Variants in GLIS3 observed in about 807,000 individuals in gnomAD.
The protein encoded by GLIS3 is GLIS family zinc finger 3.
A neutral mutation model predicts 78.6 loss-of-function variants in GLIS3; 53 were observed. The ratio of observed to expected loss-of-function variants is 0.67; its 90% CI spans 0.54 to 0.85. The LOEUF is 0.85. Among genes scored for constraint, GLIS3 ranks in the 40% least tolerant of loss-of-function variants. The probability of loss-of-function intolerance (pLI) is 0.00; values close to 1 mark genes in which losing one functional copy is unlikely to be tolerated. For missense variants in GLIS3, 1,703 were observed against 1,231.1 expected, an observed-to-expected ratio of 1.38 and a Z score of -5.74; for synonymous variants, 684 against 509.9, an observed-to-expected ratio of 1.34 and a Z score of -4.60.
At chr9:4,226,443 A>G (rs1821774512) in intron 2 of GLIS3, among the ~76,000 whole-genome samples, 1 of 152,158 alleles carries the variant, frequency 6.6e-6, no homozygotes, top group African/African-American at 2.4e-5. Context: ...AAACTCAAAC[A>G]GAAAGACGAG....
chr9:4,261,541 T>G (rs1042493824), intron 2 of GLIS3, among the ~76,000 whole-genome samples: 20 of 152,070 alleles, frequency 1.3e-4, no homozygotes, highest in African/African-American at 4.8e-4. Context: ...TTCTGAAGGC[T>G]AAAACTGAGA....
At chr9:4,478,568 G>A in the GLIS3 span, among the ~76,000 whole-genome samples, 7 of 151,508 alleles carry the variant, frequency 4.6e-5, no homozygotes, top group Admixed American at 4.6e-4. Context: ...CTTAGAGTGT[G>A]CCACTGCATT....
At chr9:4,079,068 A>G (rs1487485051) in intron 4 of GLIS3, among the ~76,000 whole-genome samples, 1 of 152,232 alleles carries the variant, frequency 6.6e-6, no homozygotes, top group East Asian at 1.9e-4. Context: ...AAGATATTTC[A>G]TACTAAAGGA....
chr9:3,973,267 G>A (rs558051827), intron 4 of GLIS3, among the ~76,000 whole-genome samples: 2 of 152,166 alleles, frequency 1.3e-5, no homozygotes, highest in South Asian at 4.1e-4. Flanking sequence ...CCTGAGCTTT[G>A]GTGTCTAGAG....
chr9:4,415,226 C>G, the GLIS3 span, among the ~76,000 whole-genome samples: 2 of 152,174 alleles, frequency 1.3e-5, no homozygotes, highest in African/African-American at 2.4e-5. Flanking sequence ...CTCCCTCAGA[C>G]AAAGTCCTGG....
At chr9:4,286,594 C>G in intron 1 of GLIS3, 71 bp from the exon 2 acceptor site, 1 of 770,704 alleles carries the variant, frequency 1.3e-6, no homozygotes, top group East Asian at 2.7e-5. Context: ...GTTTTTCAAC[C>G]TGTGTATCAT....
At chr9:4,074,214 G>A (rs1324729118) in intron 4 of GLIS3, among the ~76,000 whole-genome samples, 4 of 152,144 alleles carry the variant, frequency 2.6e-5, no homozygotes, top group African/African-American at 7.2e-5. Flanking sequence ...GGGGAGCAGG[G>A]TCATTTCAGG....
chr9:4,398,291 T>A, the GLIS3 span, among the ~76,000 whole-genome samples: 22 of 152,150 alleles, frequency 1.4e-4, 3 homozygotes, highest in African/African-American at 5.1e-4. Context: ...ACTCAAAATA[T>A]GATCCCTGAA....
At chr9:4,313,267 G>A (rs1294086336) in intron 2 of GLIS3, among the ~76,000 whole-genome samples, 1 of 152,176 alleles carries the variant, frequency 6.6e-6, no homozygotes, top group Non-Finnish European at 1.5e-5. Context: ...TGGCAAGTGT[G>A]TCTGCCTCCA....
At chr9:4,422,146 T>C in the GLIS3 span, among the ~76,000 whole-genome samples, 26 of 152,236 alleles carry the variant, frequency 1.7e-4, no homozygotes, top group Non-Finnish European at 1.0e-4. Flanking sequence ...AGATTTTGTG[T>C]TAATGAAAAA....
intron 2 of GLIS3, among the ~76,000 whole-genome samples, chr9:4,332,443 G>A (rs750981362): frequency 8.5e-5 from 13 of 152,248 alleles, no homozygotes; most frequent in Non-Finnish European, 1.8e-4. Flanking sequence ...GTATGGCCAC[G>A]TGACTAAGTT....
chr9:4,462,574 T>C, the GLIS3 span, among the ~76,000 whole-genome samples: 1 of 149,342 alleles, frequency 6.7e-6, no homozygotes, highest in Non-Finnish European at 1.5e-5. Context: ...CTGGGCAACA[T>C]AGCGAGATTC....
intron 3 of GLIS3, among the ~76,000 whole-genome samples, chr9:4,121,683 A>G (rs1832200953): frequency 6.6e-6 from 1 of 152,088 alleles, no homozygotes; most frequent in Admixed American, 6.6e-5. Flanking sequence ...TTAGAGAAAT[A>G]CAAGTGAAGC....
Position 4,253,551 on chromosome 9 carries a change from G to A in GLIS3, c.388+32487C>T, listed in dbSNP as rs552844316. On this transcript the variant is annotated intron_variant, in intron 2 of 10. Coordinates refer to ENST00000381971, the MANE Select transcript of GLIS3 (RefSeq NM_001042413.2). ...GATCTTGGCTTGCTGGGCTCTGTGC[G>A]GGTGGGATCCGCTGAGCTAGACCAC... Among the ~76,000 whole-genome samples the A allele has an allele frequency of 3.0e-3, 461 of 152,306 alleles. 4 individuals are homozygous for A. The highest frequency in any genetic ancestry group is 4.7e-3 in the Non-Finnish European group (318 of 68,026).
At position 3,946,243 on chromosome 9, in the gene GLIS3, ACT is replaced by A. The variant is rs1218872321; in HGVS notation, c.1711-9056_1711-9055del. 5.3e-5 allele frequency among the ~76,000 whole-genome samples: 8 copies of A among 152,358 alleles called. No individual in the cohort carries two copies. The East Asian group carries it at 1.2e-3, about 22-fold the overall frequency. ...GCTGTGAGCTTTATAAGAACAAGGT[ACT>A]GAGTCTTATTAATACTTTTGTTGCC... On this transcript the variant is annotated intron_variant, in intron 4 of 10. Transcript: ENST00000381971.
rs763882430 is a variant in GLIS3, at chr9:3,907,609, CACACACACACACACAG to C, written c.1984-8790_1984-8775del. ...GCTAGCATCCTCCACCCCCCAAACA[CACACACACACACACAG>C]ACACACACACACACACACACACACA... On this transcript the variant is annotated intron_variant, in intron 6 of 10. Coordinates refer to ENST00000381971, the MANE Select transcript of GLIS3 (RefSeq NM_001042413.2). Among the ~76,000 whole-genome samples the C allele has an allele frequency of 4.2e-3, 372 of 88,118 alleles. 1 individual carries two copies. Among genetic ancestry groups the C allele is most frequent in the Middle Eastern group, 0.021 (3 of 140 alleles). The allele number at this position is 88,118 out of a possible 152,430, so 57.8% of individuals were successfully genotyped here.
In GLIS3 at chr9:4,056,728, C is replaced by A. The variant is rs983234737; in HGVS notation, c.1710+61040G>T. Among the ~76,000 whole-genome samples, 3 of 152,010 alleles carry A rather than the reference C, an allele frequency of 2.0e-5. No individual in the cohort carries two copies. The East Asian group carries it at 5.8e-4, about 29-fold the overall frequency. ...AGAGTGACACACACACACCCCACCA[C>A]GCACACACAAACTATGACGTCAAAT... is the stretch of plus-strand genomic sequence containing the variant. On this transcript the variant is annotated intron_variant, in intron 4 of 10. Coordinates refer to ENST00000381971, the MANE Select transcript of GLIS3 (RefSeq NM_001042413.2).
At chr9:4,150,711 G>GA (rs1834611930) in intron 2 of GLIS3, among the ~76,000 whole-genome samples, 2 of 152,160 alleles carry the variant, frequency 1.3e-5, no homozygotes, top group Non-Finnish European at 2.9e-5. Flanking sequence ...CATAGATTTA[G>GA]ATGCCAAGAA....
intron 1 of GLIS3, among the ~76,000 whole-genome samples, chr9:4,292,916 A>G (rs187313235): frequency 1.3e-5 from 2 of 152,352 alleles, no homozygotes; most frequent in East Asian, 3.9e-4. Flanking sequence ...AAATGAACAC[A>G]TTCCTGATGA....
Sources: allele counts gnomAD v4.1 joint callset (sites outside exome capture counted in the v4.1 genomes callset), GRCh38; gene constraint gnomAD v4.1.1; transcripts MANE v1.5; gene names NCBI Gene and HGNC (gene_info 2026-07-23, HGNC 2026-07-21).